Variants in LRRCC1 observed in about 807,000 individuals in gnomAD.
LRRCC1 encodes leucine-rich repeat and coiled-coil domain-containing protein 1.
LRRCC1 carries 115 observed loss-of-function variants against 126.0 expected under a neutral mutation model. That is an observed-to-expected ratio of 0.91 (90% CI 0.78 to 1.07). The LOEUF (loss-of-function observed/expected upper bound fraction) is 1.07, where lower values mean the gene tolerates loss of function less well. Among genes scored for constraint, LRRCC1 ranks in the 50% least tolerant of loss-of-function variants. The pLI is 0.00. For synonymous variants in LRRCC1, 400 were observed against 393.4 expected (o/e 1.02, Z -0.20); for missense variants, 1,172 against 1,175.7 (o/e 1.00, Z 0.05).
At chr8:85,117,880 T>A (rs905466673) in intron 6 of LRRCC1, among the ~76,000 whole-genome samples, 2 of 152,120 alleles carry the variant, frequency 1.3e-5, no homozygotes, top group Non-Finnish European at 2.9e-5. Context: ...AGCATGCATA[T>A]CATTAATTAG....
In LRRCC1 at chr8:85,140,834, G is replaced by A. The variant is rs185433586; in HGVS notation, c.2841-548G>A. ...TCCCAGTACTTTGGGAGGCCGAGGCGGGCAGATCACTTTAGACCAGGAGTT... is the reference window on the plus strand; with the variant it reads ...TCCCAGTACTTTGGGAGGCCGAGGCAGGCAGATCACTTTAGACCAGGAGTT... On this transcript the variant is annotated intron_variant, in intron 17 of 18. Coordinates refer to ENST00000360375, the MANE Select transcript of LRRCC1 (RefSeq NM_033402.5). Among the ~76,000 whole-genome samples, 952 of 152,206 alleles carry A rather than the reference G, an allele frequency of 6.3e-3. 7 individuals are homozygous for A. Among genetic ancestry groups the A allele is most frequent in the Non-Finnish European group, 0.011 (739 of 68,008 alleles).
chr8:85,138,609 T>G (rs1650824170), intron 17 of LRRCC1, 134 bp downstream of exon 17: 1 of 924,660 alleles, frequency 1.1e-6, no homozygotes, highest in African/African-American at 1.7e-5. Flanking sequence ...TATTTCCATT[T>G]CATCTGTAAA....
intron 6 of LRRCC1, among the ~76,000 whole-genome samples, chr8:85,120,202 T>C (rs571178405): frequency 1.7e-4 from 26 of 152,336 alleles, no homozygotes; most frequent in African/African-American, 6.0e-4. Context: ...ATGTGTATTC[T>C]ACAATTAAGT....
chr8:85,131,926 A>G lies in LRRCC1; in HGVS notation c.1933A>G (p.Ile645Val). ...TATGGATTTAGAAAATGAATTCCGT[A>G]TTGCTTTAACTGTTGAAGCCAGAAG... ...QYMDLENEFR[I>V]ALTVEARRFQ... The change falls in exon 12 of 19, where the codon ATT becomes GTT. Residue 645 changes from isoleucine (I) to valine (V), a missense_variant. By Grantham distance (29) the Ile-to-Val change is conservative. Coordinates refer to ENST00000360375, the MANE Select transcript of LRRCC1 (RefSeq NM_033402.5). The G allele has an allele frequency of 6.2e-7, 1 of 1,613,602 alleles. No individual in the cohort carries two copies. The highest frequency in any genetic ancestry group is 8.5e-7 in the Non-Finnish European group (1 of 1,179,842).
chr8:85,133,200 C>T (rs567553289), intron 12 of LRRCC1, among the ~76,000 whole-genome samples: 9 of 152,276 alleles, frequency 5.9e-5, no homozygotes, highest in Middle Eastern at 3.4e-3. Flanking sequence ...TCAAATTTGT[C>T]CTCATCTGAT....
At chr8:85,145,016 C>T (rs1436372595) in intron 18 of LRRCC1, among the ~76,000 whole-genome samples, 1 of 150,118 alleles carries the variant, frequency 6.7e-6, no homozygotes, top group Non-Finnish European at 1.5e-5. Flanking sequence ...GGAGGCGGAG[C>T]TTGCAGTGAG....
rs773675354 is a variant in LRRCC1, at chr8:85,115,372, T to G, written c.721-3T>G. 5.0e-6 allele frequency: 8 copies of G among 1,611,126 alleles called. No homozygotes were observed. Among genetic ancestry groups the G allele is most frequent in the Non-Finnish European group, 6.8e-6 (8 of 1,177,748 alleles). On this transcript the variant is annotated splice_region_variant and splice_polypyrimidine_tract_variant and intron_variant, in intron 5 of 18. Coordinates refer to ENST00000360375, the MANE Select transcript of LRRCC1 (RefSeq NM_033402.5). ...AGGATTTTGGTTTGTTTCTGTGTCATAGATCATTGATAGAATGCCAGTGAT... is the reference window on the plus strand; with the variant it reads ...AGGATTTTGGTTTGTTTCTGTGTCAGAGATCATTGATAGAATGCCAGTGAT...
Position 85,134,959 on chromosome 8 carries a change from G to A in LRRCC1, c.2081G>A (p.Cys694Tyr). The A allele has an allele frequency of 1.9e-6, 3 of 1,574,598 alleles. No individual in the cohort carries two copies. Among genetic ancestry groups the A allele is most frequent in the Non-Finnish European group, 2.6e-6 (3 of 1,169,956 alleles). Residue 694 changes from cysteine (C) to tyrosine (Y), a missense_variant, in exon 13 of 19, where the codon TGT becomes TAT. Cys to Tyr is a radical substitution (Grantham distance 194). Transcript: ENST00000360375. ...TCCTCTTTAATTAAAGATCTGACCTGTATGGTAAAGGAACAAAAAACAAAA... is the reference window on the plus strand; with the variant it reads ...TCCTCTTTAATTAAAGATCTGACCTATATGGTAAAGGAACAAAAAACAAAA... ...ESSSLIKDLT[C>Y]MVKEQKTKLA...
intron 9 of LRRCC1, 49 bp downstream of exon 9, chr8:85,126,886 C>T (rs751304764): frequency 1.4e-6 from 2 of 1,476,862 alleles, no homozygotes; most frequent in Admixed American, 2.0e-5. Context: ...ATAAACAATA[C>T]TGACTTTAGA....
At chr8:85,117,939 A>G (rs1809247226) in intron 6 of LRRCC1, among the ~76,000 whole-genome samples, 1 of 152,128 alleles carries the variant, frequency 6.6e-6, no homozygotes, top group Non-Finnish European at 1.5e-5. Flanking sequence ...ACAGGTCTGC[A>G]TATTTCCTGA....
intron 1 of LRRCC1, chr8:85,109,374 G>C (rs2135909312): frequency 1.9e-6 from 1 of 525,472 alleles, no homozygotes. Context: ...TCACTTGCCT[G>C]CCTTGAGCGG....
chr8:85,109,548 G>A (rs1214854092), intron 1 of LRRCC1, 47 bp from the exon 2 acceptor site: 1 of 1,131,458 alleles, frequency 8.8e-7, no homozygotes, highest in African/African-American at 1.6e-5. Flanking sequence ...TAGTTATTTG[G>A]TCATGCTTTT....
rs1471486290 is a variant in LRRCC1 at position 85,115,414 on chromosome 8, G to T, written c.760G>T (p.Glu254Ter). The stretch of plus-strand genomic sequence containing the variant: ...GCCAGTGATAACAGCACCTATCGAT[G>T]AGTTAGTTCCCTTGGAACAGTTTGC... ...RMPVITAPID[E>*]LVPLEQFAST... Residue 254 changes from glutamate (E) to a stop codon, truncating the protein, a stop_gained, in exon 6 of 19, where the codon GAG (glutamate) becomes TAG (stop). Transcript: ENST00000360375. LOFTEE classifies it high-confidence loss of function. 1.9e-6 allele frequency: 3 copies of T among 1,613,736 alleles called. No individual in the cohort carries two copies. Among genetic ancestry groups the T allele is most frequent in the Non-Finnish European group, 2.5e-6 (3 of 1,179,726 alleles).
chr8:85,130,492 GAATT>G (rs1427803653), intron 11 of LRRCC1, among the ~76,000 whole-genome samples: 1 of 152,024 alleles, frequency 6.6e-6, no homozygotes, highest in African/African-American at 2.4e-5. Context: ...AAGTCTGACA[GAATT>G]AGTTAGTGGA....
rs759953875 is a variant in LRRCC1 at position 85,112,973 on chromosome 8, A to G, written c.418A>G (p.Ile140Val). Reference protein sequence around the residue: ...LHGIKHKLRYIDLHSNRIDSI... With the variant: ...LHGIKHKLRYVDLHSNRIDSI... Reference sequence around the variant, plus strand: ...TGGAATTAAGCATAAACTTAGATATATTGATCTACATAGTAATCGTATAGA... The same window carrying G: ...TGGAATTAAGCATAAACTTAGATATGTTGATCTACATAGTAATCGTATAGA... The change falls in exon 4 of 19, where the codon ATT becomes GTT. Residue 140 changes from isoleucine to valine, a missense_variant. Physicochemically the swap from Ile to Val is conservative, Grantham distance 29. Transcript: ENST00000360375. 6.3e-7 allele frequency: 1 copy of G among 1,591,794 alleles called. No individual in the cohort carries two copies. Among genetic ancestry groups the G allele is most frequent in the Non-Finnish European group, 8.6e-7 (1 of 1,168,298 alleles).
intron 9 of LRRCC1, among the ~76,000 whole-genome samples, chr8:85,128,402 C>T: frequency 6.6e-6 from 1 of 151,426 alleles, no homozygotes; most frequent in Admixed American, 6.6e-5. Context: ...TTTTCTGATT[C>T]TTCTTTTATC....
At chr8:85,115,919 C>T (rs777550298) in intron 6 of LRRCC1, among the ~76,000 whole-genome samples, 4 of 152,178 alleles carry the variant, frequency 2.6e-5, no homozygotes, top group Admixed American at 6.5e-5. Context: ...TGTTACTTAA[C>T]GCAAAGGAAT....
At chr8:85,114,455 GTCTTTATTAGA>G (rs1425771519) in intron 4 of LRRCC1, among the ~76,000 whole-genome samples, 1 of 151,892 alleles carries the variant, frequency 6.6e-6, no homozygotes, top group Non-Finnish European at 1.5e-5. Flanking sequence ...CACTTTGTTG[GTCTTTATTAGA>G]AATATACTTA....
At chr8:85,142,661 C>G (rs1408611247) in intron 18 of LRRCC1, among the ~76,000 whole-genome samples, 4 of 152,016 alleles carry the variant, frequency 2.6e-5, no homozygotes, top group South Asian at 2.1e-4. Context: ...GAAACCCCAT[C>G]TCCACTAAAA....
Sources: allele counts gnomAD v4.1 joint callset (sites outside exome capture counted in the v4.1 genomes callset), GRCh38; gene constraint gnomAD v4.1.1; transcripts MANE v1.5; gene names NCBI Gene and HGNC (gene_info 2026-07-23, HGNC 2026-07-21).